The following VAV2 variants were observed in gnomAD, a reference collection of about 807,000 sequenced individuals.
VAV2 encodes the protein vav guanine nucleotide exchange factor 2.
A neutral mutation model predicts 132.5 loss-of-function variants in VAV2; 67 were observed. That is an observed-to-expected ratio of 0.51 (90% CI 0.42 to 0.62). The LOEUF (loss-of-function observed/expected upper bound fraction) is 0.62. VAV2 is among the 20% of genes least tolerant of loss of function. The probability of loss-of-function intolerance (pLI) is 0.00; values close to 1 mark genes in which losing one functional copy is unlikely to be tolerated. For synonymous variants in VAV2, 492 were observed against 443.5 expected (o/e 1.11, Z -1.37); for missense variants, 938 against 1,153.6 (o/e 0.81, Z 2.71).
At chr9:133,858,164 G>GCGT (rs1837455964) in intron 3 of VAV2, among the ~76,000 whole-genome samples, 4 of 152,190 alleles carry the variant, frequency 2.6e-5, no homozygotes, top group Admixed American at 2.6e-4. Flanking sequence ...CCGGATAAGA[G>GCGT]CGTCTTTGTA....
Position 133,834,877 on chromosome 9 carries a change from G to C in VAV2, c.381-537C>G, listed in dbSNP as rs987661928. Among the ~76,000 whole-genome samples the C allele has an allele frequency of 1.3e-5, 2 of 152,134 alleles. No homozygotes were observed. The highest frequency in any genetic ancestry group is 4.8e-5 in the African/African-American group (2 of 41,526). On this transcript the variant is annotated intron_variant, in intron 3 of 29. Transcript: ENST00000371850. This position sits in a 1 kb window ranked among gnomAD's most constrained non-coding sequence, Gnocchi z 5.9. ...CCAGCCACTGGCTTGAGGTCAGGAA[G>C]AGAGTCCCGAAAATGAAAAGCCCTC...
intron 2 of VAV2, among the ~76,000 whole-genome samples, chr9:133,903,490 C>T (rs1004813907): frequency 2.6e-5 from 4 of 152,282 alleles, no homozygotes; most frequent in South Asian, 2.1e-4. Flanking sequence ...GGAGATGTGA[C>T]GGCCACATCA....
chr9:133,882,012 C>T (rs760791898), intron 2 of VAV2, among the ~76,000 whole-genome samples: 4 of 152,194 alleles, frequency 2.6e-5, no homozygotes, highest in Non-Finnish European at 5.9e-5. Context: ...TCAACCTAGT[C>T]TCCACTGACT....
intron 1 of VAV2, among the ~76,000 whole-genome samples, chr9:133,940,452 T>A (rs538527370): frequency 6.6e-6 from 1 of 152,236 alleles, no homozygotes; most frequent in Admixed American, 6.5e-5. Flanking sequence ...AATCAGAGCC[T>A]AAGAGCGTAA....
rs377331945 is a variant in VAV2, at chr9:133,807,281, C to T, written c.712G>A (p.Ala238Thr). 3.3e-5 allele frequency: 53 copies of T among 1,610,944 alleles called. No individual in the cohort carries two copies. In the Admixed American group the frequency reaches 7.7e-4, roughly 23 times the overall value. Residue 238 changes from alanine to threonine, a missense_variant, in exon 8 of 30, where the codon GCA becomes ACA. Transcript: ENST00000371850. ...LRLVLSPADMAAVFINLEDLI... is the reference protein window; with the variant it reads ...LRLVLSPADMTAVFINLEDLI... ...ACCTCCAGGTTAATGAAGACAGCTGCCATGTCCGCCGGGCTCAGCACCAGC... is the reference window on the plus strand; with the variant it reads ...ACCTCCAGGTTAATGAAGACAGCTGTCATGTCCGCCGGGCTCAGCACCAGC...
At chr9:133,923,933 T>C (rs887742294) in intron 2 of VAV2, among the ~76,000 whole-genome samples, 3 of 151,928 alleles carry the variant, frequency 2.0e-5, no homozygotes, top group East Asian at 1.9e-4. Context: ...TAGGTGGGAA[T>C]TGAACAATGA....
At chr9:133,787,124 G>T in intron 16 of VAV2, 122 bp downstream of exon 16, 1 of 1,134,398 alleles carries the variant, frequency 8.8e-7, no homozygotes, top group East Asian at 2.9e-5. Context: ...GGAGGACGAA[G>T]GACCAAGAAA....
Position 133,961,838 on chromosome 9 carries a change from AC to A in VAV2, c.205-22620del, listed in dbSNP as rs1474209536. ...AGAGTGGCCCCTCGTTCTGGTGGCC[AC>A]GCAGGCCTAGGCTGGGAACAGGGAG... On this transcript the variant is annotated intron_variant, in intron 1 of 29. Coordinates refer to ENST00000371850, the MANE Select transcript of VAV2 (RefSeq NM_001134398.2). This position sits in a 1 kb window ranked among gnomAD's most constrained non-coding sequence, Gnocchi z 4.1. Among the ~76,000 whole-genome samples the A allele has an allele frequency of 6.6e-6, 1 of 152,124 alleles. No homozygotes were observed. The highest frequency in any genetic ancestry group is 1.5e-5 in the Non-Finnish European group (1 of 68,018).
intron 4 of VAV2, among the ~76,000 whole-genome samples, chr9:133,831,905 C>G (rs1836280026): frequency 2.0e-5 from 3 of 152,320 alleles, no homozygotes; most frequent in South Asian, 4.1e-4. Flanking sequence ...TGTCCCCTCT[C>G]TGGACCTCAG....
chr9:133,768,326 G>T lies in VAV2; in HGVS notation c.2589+116C>A. On this transcript the variant is annotated intron_variant, in intron 29 of 29. Coordinates refer to ENST00000371850, the MANE Select transcript of VAV2 (RefSeq NM_001134398.2). The surrounding 1 kb of genome is among the most constrained non-coding windows in gnomAD (Gnocchi z 5.3). ...TGTGAGGATGAGGGAGATTGCAGAG[G>T]GTGTCTGGAACAGGGCCTGGGGTGT... The T allele has an allele frequency of 7.2e-7, 1 of 1,389,384 alleles. No individual in the cohort carries two copies. Among genetic ancestry groups the T allele is most frequent in the Non-Finnish European group, 9.7e-7 (1 of 1,033,936 alleles). The allele number at this position is 1,389,384 out of a possible 1,614,324, so 86.1% of individuals were successfully genotyped here.
In VAV2 at chr9:133,961,063, C is replaced by T. The variant is rs972983583; in HGVS notation, c.205-21844G>A. 3.9e-5 allele frequency among the ~76,000 whole-genome samples: 6 copies of T among 152,254 alleles called. No individual in the cohort carries two copies. The highest frequency in any genetic ancestry group is 1.4e-4 in the African/African-American group (6 of 41,470). ...GTGAGGGAGCAGGGGCCTCCACTGG[C>T]CCACACCCGGCACACATCACGGGCG... On this transcript the variant is annotated intron_variant, in intron 1 of 29. Coordinates refer to ENST00000371850, the MANE Select transcript of VAV2 (RefSeq NM_001134398.2). This position sits in a 1 kb window ranked among gnomAD's most constrained non-coding sequence, Gnocchi z 4.1.
chr9:133,991,867 C>G lies in VAV2; in HGVS notation c.204+208G>C, dbSNP rs1199466874. On this transcript the variant is annotated intron_variant, in intron 1 of 29. Transcript: ENST00000371850. This position sits in a 1 kb window ranked among gnomAD's most constrained non-coding sequence, Gnocchi z 4.8. The stretch of plus-strand genomic sequence containing the variant: ...GCGGGCGGCGGCGGCGCGACCCAGG[C>G]TGAGGGGACTTTGGCCAACTTCGCG... 6.6e-6 allele frequency among the ~76,000 whole-genome samples: 1 copy of G among 150,752 alleles called. No individual in the cohort carries two copies. The highest frequency in any genetic ancestry group is 1.5e-5 in the Non-Finnish European group (1 of 67,566).
At chr9:133,937,493 A>AATGT (rs1554813197) in intron 2 of VAV2, among the ~76,000 whole-genome samples, 10 of 149,154 alleles carry the variant, frequency 6.7e-5, no homozygotes, top group African/African-American at 9.9e-5. Context: ...TGGGTGCAAG[A>AATGT]GTGTGTGCGT....
chr9:133,961,135 CA>C lies in VAV2; in HGVS notation c.205-21917del, dbSNP rs1459293897. ...AGCTGCTGAGCGCTTTTAGTTAGCC[CA>C]ACACGGACCAAGGCCACCTCGGCTT... On this transcript the variant is annotated intron_variant, in intron 1 of 29. Coordinates refer to ENST00000371850, the MANE Select transcript of VAV2 (RefSeq NM_001134398.2). This position sits in a 1 kb window ranked among gnomAD's most constrained non-coding sequence, Gnocchi z 4.1. Among the ~76,000 whole-genome samples, 1 of 152,218 alleles carries C rather than the reference CA, an allele frequency of 6.6e-6. No homozygotes were observed. The highest frequency in any genetic ancestry group is 1.5e-5 in the Non-Finnish European group (1 of 68,038).
At chr9:133,821,482 C>T (rs1220200745) in intron 4 of VAV2, among the ~76,000 whole-genome samples, 1 of 152,132 alleles carries the variant, frequency 6.6e-6, no homozygotes, top group Admixed American at 6.5e-5. Context: ...CAAGGATCAG[C>T]CATCATGTAC....
chr9:133,778,411 C>A (rs562597249), intron 22 of VAV2, among the ~76,000 whole-genome samples: 43 of 152,272 alleles, frequency 2.8e-4, no homozygotes, highest in African/African-American at 1.0e-3. Flanking sequence ...AGGGCAGAAG[C>A]CTGAGGGCCT....
At chr9:133,814,012 A>C (rs1245647117) in intron 4 of VAV2, among the ~76,000 whole-genome samples, 2 of 150,854 alleles carry the variant, frequency 1.3e-5, no homozygotes, top group East Asian at 2.0e-4. Flanking sequence ...CTCTCTCCCC[A>C]CCCGCCCTCC....
intron 4 of VAV2, among the ~76,000 whole-genome samples, chr9:133,822,959 C>T (rs941505986): frequency 6.6e-6 from 1 of 152,192 alleles, no homozygotes; most frequent in Non-Finnish European, 1.5e-5. Context: ...TGTGCAACTG[C>T]AAAATGGGGG....
chr9:133,785,466 C>A (rs778404444), intron 17 of VAV2, among the ~76,000 whole-genome samples: 1 of 152,266 alleles, frequency 6.6e-6, no homozygotes, highest in Non-Finnish European at 1.5e-5. Context: ...CCGGTCACTG[C>A]TCTGTGGGCC....
Sources: allele counts gnomAD v4.1 joint callset (sites outside exome capture counted in the v4.1 genomes callset), GRCh38; gene constraint gnomAD v4.1.1; non-coding constraint Gnocchi (gnomAD v3.1); transcripts MANE v1.5; gene names NCBI Gene and HGNC (gene_info 2026-07-23, HGNC 2026-07-21).